The following TBC1D5 variants were observed in gnomAD, a reference collection of about 807,000 sequenced individuals.
TBC1D5 encodes the protein TBC1 domain family member 5, also known as TBC1 domain family, member 5.
TBC1D5 carries 75 observed loss-of-function variants against 100.3 expected under a neutral mutation model. That is an observed-to-expected ratio of 0.75 (90% confidence interval 0.62 to 0.91). The LOEUF (loss-of-function observed/expected upper bound fraction) is 0.91, where lower values mean the gene tolerates loss of function less well. TBC1D5 is among the 40% of genes least tolerant of loss of function. The probability of loss-of-function intolerance (pLI) is 0.00; values close to 1 mark genes in which losing one functional copy is unlikely to be tolerated. For missense variants in TBC1D5, 910 were observed against 942.4 expected, an observed-to-expected ratio of 0.97 and a Z score of 0.45; for synonymous variants, 323 against 325.6, an observed-to-expected ratio of 0.99 and a Z score of 0.09.
chr3:17,466,138 AT>A (rs2095297235), intron 3 of TBC1D5, among the ~76,000 whole-genome samples: 1 of 152,156 alleles, frequency 6.6e-6, no homozygotes, highest in Non-Finnish European at 1.5e-5. Context: ...CTTGAAAAAT[AT>A]TTTGCCTCTG....
intron 1 of TBC1D5, among the ~76,000 whole-genome samples, chr3:17,665,438 T>C (rs1577329035): frequency 6.6e-6 from 1 of 152,240 alleles, no homozygotes; most frequent in African/African-American, 2.4e-5. Context: ...CCACTTCCAG[T>C]GTATTTCCAA....
chr3:17,714,778 A>T (rs1324817960), intron 1 of TBC1D5, among the ~76,000 whole-genome samples: 1 of 152,214 alleles, frequency 6.6e-6, no homozygotes, highest in Non-Finnish European at 1.5e-5. Context: ...AGCCTGGGCA[A>T]CATAGTGAGA....
At chr3:17,295,589 T>G (rs1325900906) in intron 14 of TBC1D5, among the ~76,000 whole-genome samples, 2 of 152,274 alleles carry the variant, frequency 1.3e-5, no homozygotes, top group Non-Finnish European at 2.9e-5. Context: ...TGAGAAAGTT[T>G]AAAGCAATGT....
chr3:17,684,610 G>A (rs546596508), intron 1 of TBC1D5, among the ~76,000 whole-genome samples: 2 of 152,048 alleles, frequency 1.3e-5, no homozygotes, highest in South Asian at 4.1e-4. Context: ...AATAGAATCA[G>A]AAATGATCTT....
chr3:17,569,477 T>C (rs542985812), intron 2 of TBC1D5, among the ~76,000 whole-genome samples: 1 of 151,964 alleles, frequency 6.6e-6, no homozygotes, highest in African/African-American at 2.4e-5. Context: ...ATGATTATAA[T>C]AGCCTATATT....
intron 2 of TBC1D5, among the ~76,000 whole-genome samples, chr3:17,620,069 T>C (rs539252088): frequency 2.0e-5 from 3 of 152,156 alleles, no homozygotes; most frequent in Non-Finnish European, 4.4e-5. Context: ...GAAGGCAAAA[T>C]GTTACAGCCC....
exon 12 of TBC1D5, chr3:17,374,484 T>G: frequency 6.2e-7 from 1 of 1,611,676 alleles, no homozygotes; most frequent in East Asian, 2.2e-5. Flanking sequence ...CTGACCATCA[T>G]GCTCAAAAGT....
At chr3:17,590,135 G>A (rs1159260999) in intron 2 of TBC1D5, among the ~76,000 whole-genome samples, 1 of 152,200 alleles carries the variant, frequency 6.6e-6, no homozygotes, top group Non-Finnish European at 1.5e-5. Flanking sequence ...GTGAGGTTGA[G>A]AGTGTGACCC....
chr3:17,230,870 A>G (rs1431826998), intron 17 of TBC1D5, among the ~76,000 whole-genome samples: 1 of 152,184 alleles, frequency 6.6e-6, no homozygotes, highest in African/African-American at 2.4e-5. Flanking sequence ...AAATGGTAGT[A>G]CTATTTTTAA....
intron 2 of TBC1D5, among the ~76,000 whole-genome samples, chr3:17,535,025 T>C (rs774688828): frequency 6.6e-6 from 1 of 152,194 alleles, no homozygotes; most frequent in Non-Finnish European, 1.5e-5. Flanking sequence ...AAGTTTTTAA[T>C]TCACCTAACT....
intron 14 of TBC1D5, among the ~76,000 whole-genome samples, chr3:17,302,496 C>T (rs528607643): frequency 2.6e-5 from 4 of 152,076 alleles, no homozygotes; most frequent in Non-Finnish European, 5.9e-5. Context: ...TACAATTCAG[C>T]CCATAATGGG....
chr3:17,672,957 T>C (rs1378726453), intron 1 of TBC1D5, among the ~76,000 whole-genome samples: 1 of 152,220 alleles, frequency 6.6e-6, no homozygotes, highest in African/African-American at 2.4e-5. Context: ...GTGGTTTTGA[T>C]GTTGTTCTAT....
At chr3:17,368,241 GAATGAGATTATC>G (rs1315665303) in intron 13 of TBC1D5, among the ~76,000 whole-genome samples, 1 of 152,046 alleles carries the variant, frequency 6.6e-6, no homozygotes, top group Non-Finnish European at 1.5e-5. Flanking sequence ...ATGTAATTTA[GAATGAGATTATC>G]AAATTTTAGT....
At chr3:17,467,286 CT>C (rs11299814) in intron 3 of TBC1D5, among the ~76,000 whole-genome samples, 70,786 of 121,154 alleles carry the variant, frequency 0.58, 19,442 homozygotes, top group East Asian at 0.86. Context: ...GCCAGACCTT[CT>C]TTTTTTTTTT....
At chr3:17,222,297 A>T (rs757908145) in intron 17 of TBC1D5, among the ~76,000 whole-genome samples, 2 of 152,150 alleles carry the variant, frequency 1.3e-5, no homozygotes, top group East Asian at 1.9e-4. Flanking sequence ...CACTATCATT[A>T]TCATGAACTT....
chr3:17,531,839 A>G (rs188310144), intron 2 of TBC1D5, among the ~76,000 whole-genome samples: 2 of 152,324 alleles, frequency 1.3e-5, no homozygotes, highest in African/African-American at 2.4e-5. Context: ...TTAATTCAAG[A>G]TGGATTAAAG....
At chr3:17,616,028 G>A (rs188349256) in intron 2 of TBC1D5, among the ~76,000 whole-genome samples, 4 of 152,172 alleles carry the variant, frequency 2.6e-5, no homozygotes, top group African/African-American at 9.7e-5. Context: ...GGCATTTAGA[G>A]CTATAAATTT....
intron 8 of TBC1D5, among the ~76,000 whole-genome samples, chr3:17,396,025 C>A (rs1336334992): frequency 6.6e-6 from 1 of 151,968 alleles, no homozygotes; most frequent in Non-Finnish European, 1.5e-5. Flanking sequence ...TTTTCATATT[C>A]CTGAAAATCT....
At chr3:17,464,218 C>T (rs1013641496) in intron 3 of TBC1D5, among the ~76,000 whole-genome samples, 4 of 152,086 alleles carry the variant, frequency 2.6e-5, no homozygotes, top group Non-Finnish European at 5.9e-5. Flanking sequence ...TCTCGGCCTC[C>T]CAAAGTGCTG....
Sources: allele counts gnomAD v4.1 joint callset (sites outside exome capture counted in the v4.1 genomes callset), GRCh38; gene constraint gnomAD v4.1.1; transcripts MANE v1.5; gene names NCBI Gene and HGNC (gene_info 2026-07-23, HGNC 2026-07-21).